The following NKAIN2 variants were observed in gnomAD, a reference collection of about 807,000 sequenced individuals.
NKAIN2 encodes the protein sodium/potassium-transporting ATPase subunit beta-1-interacting protein 2.
NKAIN2 carries 14 observed loss-of-function variants against 32.6 expected under a neutral mutation model. The observed-to-expected ratio is 0.43, with a 90% CI of 0.28 to 0.67. The LOEUF is 0.67. Ranked by LOEUF, NKAIN2 falls within the 30% of genes least tolerant of loss-of-function variation. The pLI is 0.17. For synonymous variants in NKAIN2, 80 were observed against 87.2 expected, an observed-to-expected ratio of 0.92 and a Z score of 0.46; for missense variants, 198 against 258.3, an observed-to-expected ratio of 0.77 and a Z score of 1.60.
chr6:124,816,334 T>TA (rs1255031733), intron 5 of NKAIN2, among the ~76,000 whole-genome samples: 3 of 152,130 alleles, frequency 2.0e-5, no homozygotes, highest in African/African-American at 7.2e-5. Flanking sequence ...GCGAAACTGT[T>TA]ACGGTACTCT....
chr6:123,919,539 G>T (rs1200982819), intron 1 of NKAIN2, among the ~76,000 whole-genome samples: 1 of 152,116 alleles, frequency 6.6e-6, no homozygotes, highest in Non-Finnish European at 1.5e-5. Flanking sequence ...GTGCCATTGG[G>T]ATAGTTCTAC....
At chr6:123,915,983 T>C (rs1286275223) in intron 1 of NKAIN2, among the ~76,000 whole-genome samples, 1 of 152,170 alleles carries the variant, frequency 6.6e-6, no homozygotes, top group Non-Finnish European at 1.5e-5. Flanking sequence ...TATGCACTAG[T>C]GTATTGGTTC....
chr6:124,587,294 AT>A (rs1781745646), intron 3 of NKAIN2, among the ~76,000 whole-genome samples: 1 of 151,800 alleles, frequency 6.6e-6, no homozygotes, highest in Non-Finnish European at 1.5e-5. Context: ...GCAGGGTGCT[AT>A]CTCGGCTCAA....
intron 4 of NKAIN2, among the ~76,000 whole-genome samples, chr6:124,759,327 T>G (rs1020913729): frequency 6.6e-6 from 1 of 152,160 alleles, no homozygotes; most frequent in Non-Finnish European, 1.5e-5. Context: ...TTTTCTAACA[T>G]GCATTGACAA....
intron 2 of NKAIN2, among the ~76,000 whole-genome samples, chr6:124,347,490 G>C (rs1583093841): frequency 6.6e-6 from 1 of 152,134 alleles, no homozygotes; most frequent in Admixed American, 6.5e-5. Context: ...CACAGATTTG[G>C]TCTTTTCACA....
intron 5 of NKAIN2, among the ~76,000 whole-genome samples, chr6:124,796,909 T>C (rs888228106): frequency 1.3e-5 from 2 of 152,100 alleles, no homozygotes; most frequent in African/African-American, 4.8e-5. Context: ...TGGCCTCCCG[T>C]CTTCTATTCC....
At chr6:124,063,629 C>T (rs1349319108) in intron 1 of NKAIN2, among the ~76,000 whole-genome samples, 2 of 152,048 alleles carry the variant, frequency 1.3e-5, no homozygotes, top group South Asian at 2.1e-4. Context: ...TTTTAATACT[C>T]TTATTTTTAG....
intron 3 of NKAIN2, among the ~76,000 whole-genome samples, chr6:124,454,953 T>C (rs1459460833): frequency 6.6e-6 from 1 of 151,996 alleles, no homozygotes; most frequent in Non-Finnish European, 1.5e-5. Flanking sequence ...AAGGAGCAAC[T>C]CACAAGCTAT....
intron 1 of NKAIN2, among the ~76,000 whole-genome samples, chr6:123,936,614 A>G (rs1776521538): frequency 6.6e-6 from 1 of 152,158 alleles, no homozygotes; most frequent in Non-Finnish European, 1.5e-5. Flanking sequence ...AAGATAATGT[A>G]TTAAGTCTTT....
chr6:124,572,131 G>T (rs1215393176), intron 3 of NKAIN2, among the ~76,000 whole-genome samples: 1 of 152,122 alleles, frequency 6.6e-6, no homozygotes, highest in Non-Finnish European at 1.5e-5. Flanking sequence ...TAATATCCCA[G>T]TTCATGCCAT....
intron 1 of NKAIN2, among the ~76,000 whole-genome samples, chr6:123,818,372 CA>C (rs1773788328): frequency 6.6e-6 from 1 of 151,008 alleles, no homozygotes; most frequent in East Asian, 1.9e-4. Context: ...CACACACACA[CA>C]CACACACACA....
intron 4 of NKAIN2, among the ~76,000 whole-genome samples, chr6:124,678,116 T>C (rs1682858025): frequency 6.6e-6 from 1 of 152,156 alleles, no homozygotes; most frequent in South Asian, 2.1e-4. Context: ...GTGATGTCTC[T>C]TTTTTCGTGC....
chr6:123,905,866 T>C (rs1171654015), intron 1 of NKAIN2, among the ~76,000 whole-genome samples: 1 of 152,208 alleles, frequency 6.6e-6, no homozygotes, highest in Non-Finnish European at 1.5e-5. Context: ...TGAAAAGTAC[T>C]ATTAATCTTT....
chr6:124,084,065 G>A (rs1005208423), intron 1 of NKAIN2, among the ~76,000 whole-genome samples: 2 of 151,946 alleles, frequency 1.3e-5, no homozygotes, highest in African/African-American at 2.4e-5. Context: ...GTGAAGGGGA[G>A]GTAGTGATTT....
At chr6:124,805,739 G>GA (rs746533314) in intron 5 of NKAIN2, among the ~76,000 whole-genome samples, 1 of 152,072 alleles carries the variant, frequency 6.6e-6, no homozygotes. Flanking sequence ...TAAAAACATT[G>GA]AAAAAAATTT....
chr6:124,704,732 T>C (rs938319469), intron 4 of NKAIN2, among the ~76,000 whole-genome samples: 1 of 151,902 alleles, frequency 6.6e-6, no homozygotes, highest in Admixed American at 6.6e-5. Flanking sequence ...CAATATACCT[T>C]AATTCTGAGA....
At chr6:123,990,105 G>A (rs1452649529) in intron 1 of NKAIN2, among the ~76,000 whole-genome samples, 1 of 152,096 alleles carries the variant, frequency 6.6e-6, no homozygotes, top group East Asian at 1.9e-4. Context: ...ATAAATGCCA[G>A]ACACTATTTA....
rs1254020521 is a variant in NKAIN2, at chr6:123,919,547, T to C, written c.54+115293T>C. 2.0e-5 allele frequency among the ~76,000 whole-genome samples: 3 copies of C among 152,204 alleles called. No homozygotes were observed. In the South Asian group the frequency reaches 6.2e-4, roughly 31 times the overall value. On this transcript the variant is annotated intron_variant, in intron 1 of 6. Coordinates refer to ENST00000368417, the MANE Select transcript of NKAIN2 (RefSeq NM_001040214.3). Reference sequence around the variant, plus strand: ...ACAAACAGTGCCATTGGGATAGTTCTACTGCAAAGGCAAGGTTCATGTGTG... The same window carrying C: ...ACAAACAGTGCCATTGGGATAGTTCCACTGCAAAGGCAAGGTTCATGTGTG...
intron 1 of NKAIN2, among the ~76,000 whole-genome samples, chr6:124,234,534 T>C (rs976730128): frequency 1.3e-5 from 2 of 152,186 alleles, no homozygotes; most frequent in African/African-American, 4.8e-5. Context: ...TATTTATCTC[T>C]TCCTATTTAG....
Sources: gnomAD v4.1 joint callset for allele counts (sites outside exome capture counted in the v4.1 genomes callset) on GRCh38, gnomAD v4.1.1 for gene constraint, MANE v1.5 for transcripts, NCBI Gene and HGNC (gene_info 2026-07-23, HGNC 2026-07-21) for gene names.